The following MCPH1 variants were observed in gnomAD, a reference collection of about 807,000 sequenced individuals.
The protein encoded by MCPH1 is microcephalin 1.
Under a neutral mutation model 84.5 loss-of-function variants are expected in MCPH1, and 104 were observed. That is an observed-to-expected ratio of 1.23 (90% confidence interval 1.05 to 1.45). The LOEUF (loss-of-function observed/expected upper bound fraction) is 1.45. Among genes scored for constraint, MCPH1 ranks in the 40% most tolerant of loss-of-function variants. The pLI, the probability that MCPH1 is intolerant of heterozygous loss-of-function variation, is 0.00. For synonymous variants in MCPH1, 514 were observed against 366.8 expected (o/e 1.40, Z -4.58); for missense variants, 1,498 against 1,005.7 (o/e 1.49, Z -6.62).
chr8:6,426,108 C>A (rs1009677713), intron 3 of MCPH1, among the ~76,000 whole-genome samples: 4 of 152,184 alleles, frequency 2.6e-5, no homozygotes. Context: ...CACCCGCCTC[C>A]CTTTCCCATC....
chr8:6,513,675 T>C (rs1815659446), intron 12 of MCPH1: 1 of 1,603,800 alleles, frequency 6.2e-7, no homozygotes, highest in Non-Finnish European at 8.5e-7. Context: ...TGAACTCACT[T>C]ACCTATAATT....
intron 12 of MCPH1, among the ~76,000 whole-genome samples, chr8:6,573,870 T>A (rs1358097003): frequency 6.6e-6 from 1 of 152,146 alleles, no homozygotes; most frequent in East Asian, 1.9e-4. Flanking sequence ...ACAGTACACA[T>A]AAGGTGGCCA....
At chr8:6,525,419 G>T (rs183392982) in intron 12 of MCPH1, among the ~76,000 whole-genome samples, 1 of 150,354 alleles carries the variant, frequency 6.7e-6, no homozygotes, top group East Asian at 1.9e-4. Flanking sequence ...TTGTAAAAAT[G>T]AGTTCTCATT....
At chr8:6,433,843 C>T (rs1802229064) in intron 4 of MCPH1, among the ~76,000 whole-genome samples, 2 of 151,928 alleles carry the variant, frequency 1.3e-5, no homozygotes, top group African/African-American at 2.4e-5. Flanking sequence ...TCTTTTGGGT[C>T]CTTGAGATGG....
chr8:6,425,920 C>T (rs1370002208), intron 3 of MCPH1, among the ~76,000 whole-genome samples: 1 of 152,148 alleles, frequency 6.6e-6, no homozygotes, highest in African/African-American at 2.4e-5. Flanking sequence ...GTCTTTCGTC[C>T]AGATGCATCT....
At chr8:6,430,575 T>C (rs1801698509) in intron 3 of MCPH1, among the ~76,000 whole-genome samples, 2 of 152,230 alleles carry the variant, frequency 1.3e-5, no homozygotes, top group Non-Finnish European at 2.9e-5. Context: ...ATATATTTTG[T>C]AGAAATTTCT....
intron 12 of MCPH1, among the ~76,000 whole-genome samples, chr8:6,606,221 A>C (rs987768439): frequency 6.6e-6 from 1 of 152,236 alleles, no homozygotes; most frequent in African/African-American, 2.4e-5. Flanking sequence ...AACACAAATT[A>C]CTGAAGCCTT....
intron 11 of MCPH1, among the ~76,000 whole-genome samples, chr8:6,492,579 T>TTTTCTATGCTATAGAAATAGCATA (rs1027231454): frequency 6.6e-6 from 1 of 151,100 alleles, no homozygotes; most frequent in Non-Finnish European, 1.5e-5. Flanking sequence ...ATTGCCAAGG[T>TTTTCTATGCTATAGAAATAGCATA]TTTCTATGCT....
chr8:6,576,785 T>C, intron 12 of MCPH1, among the ~76,000 whole-genome samples: 1 of 137,062 alleles, frequency 7.3e-6, no homozygotes, highest in African/African-American at 2.7e-5. Context: ...TGACCTCAGG[T>C]GATCCGTCCG....
At chr8:6,428,332 C>G (rs1801359331) in intron 3 of MCPH1, among the ~76,000 whole-genome samples, 1 of 152,148 alleles carries the variant, frequency 6.6e-6, no homozygotes. Context: ...CAGTATGTCG[C>G]TAGGCGATAG....
chr8:6,544,041 A>G (rs527872895), intron 12 of MCPH1, among the ~76,000 whole-genome samples: 9 of 152,376 alleles, frequency 5.9e-5, no homozygotes, highest in African/African-American at 1.9e-4. Context: ...ATAAGAAACA[A>G]TGGAGCAAAA....
rs535740108 is a variant in MCPH1, at chr8:6,633,969, G to A, written c.2453-9025G>A. ...CTGAACAGCAGTATAAGTGTGAAGC[G>A]TCTTACAGAAGAGTATGGTGTTGGG... On this transcript the variant is annotated intron_variant, in intron 13 of 13. Transcript: ENST00000344683. Among the ~76,000 whole-genome samples, 11 of 152,304 alleles carry A rather than the reference G, an allele frequency of 7.2e-5. No individual in the cohort carries two copies. In the East Asian group the frequency reaches 7.7e-4, roughly 11 times the overall value.
At chr8:6,633,487 C>G (rs933853273) in intron 13 of MCPH1, among the ~76,000 whole-genome samples, 1 of 152,094 alleles carries the variant, frequency 6.6e-6, no homozygotes, top group African/African-American at 2.4e-5. Context: ...TGAAATGCTC[C>G]GATATCTTAA....
chr8:6,407,565 C>T (rs908256367), intron 1 of MCPH1, among the ~76,000 whole-genome samples: 10 of 152,134 alleles, frequency 6.6e-5, no homozygotes, highest in African/African-American at 2.4e-4. Flanking sequence ...AAAAAGGGGC[C>T]TGTATTGTGG....
chr8:6,597,528 C>T (rs900249085), intron 12 of MCPH1, among the ~76,000 whole-genome samples: 3 of 152,144 alleles, frequency 2.0e-5, no homozygotes, highest in Non-Finnish European at 4.4e-5. Context: ...CCCAGGAACC[C>T]GGAGCCCTCT....
chr8:6,518,536 C>G (rs1257079604), intron 12 of MCPH1, among the ~76,000 whole-genome samples: 1 of 152,152 alleles, frequency 6.6e-6, no homozygotes, highest in Non-Finnish European at 1.5e-5. Context: ...CAATATTTAT[C>G]TTTTCCGTTC....
At chr8:6,581,571 A>G (rs1827569070) in intron 12 of MCPH1, among the ~76,000 whole-genome samples, 1 of 152,274 alleles carries the variant, frequency 6.6e-6, no homozygotes, top group Admixed American at 6.5e-5. Flanking sequence ...CATTTTTACA[A>G]TACTAGTATT....
intron 3 of MCPH1, among the ~76,000 whole-genome samples, chr8:6,418,032 C>T (rs1037820568): frequency 6.6e-6 from 1 of 152,194 alleles, no homozygotes; most frequent in African/African-American, 2.4e-5. Flanking sequence ...GCCTCAGGTG[C>T]AGGCTGATTT....
At chr8:6,469,154 T>A (rs1807387866) in intron 9 of MCPH1, among the ~76,000 whole-genome samples, 1 of 152,162 alleles carries the variant, frequency 6.6e-6, no homozygotes, top group African/African-American at 2.4e-5. Flanking sequence ...CACTCCAGCC[T>A]GGGCAAGAGT....
Sources: gnomAD v4.1 joint callset for allele counts (sites outside exome capture counted in the v4.1 genomes callset) on GRCh38, gnomAD v4.1.1 for gene constraint, MANE v1.5 for transcripts, NCBI Gene and HGNC (gene_info 2026-07-23, HGNC 2026-07-21) for gene names.